Variants in SRGAP1 observed in about 807,000 individuals in gnomAD.
SRGAP1 encodes the protein SLIT-ROBO Rho GTPase-activating protein 1.
A neutral mutation model predicts 121.9 loss-of-function variants in SRGAP1; 43 were observed. That is an observed-to-expected ratio of 0.35 (90% CI 0.28 to 0.46). SRGAP1 has a LOEUF of 0.46. Among genes scored for constraint, SRGAP1 ranks in the 20% least tolerant of loss-of-function variants. SRGAP1 has a pLI of 1.00. For synonymous variants in SRGAP1, 447 were observed against 485.4 expected, an observed-to-expected ratio of 0.92 and a Z score of 1.04; for missense variants, 1,102 against 1,350.9, an observed-to-expected ratio of 0.82 and a Z score of 2.89.
At chr12:64,138,610 G>A (rs188139842) in intron 21 of SRGAP1, among the ~76,000 whole-genome samples, 3 of 151,070 alleles carry the variant, frequency 2.0e-5, no homozygotes, top group Non-Finnish European at 4.4e-5. Context: ...GTGCCACCAC[G>A]CCTGGCTATC....
At chr12:64,053,609 A>G (rs931969146) in intron 6 of SRGAP1, among the ~76,000 whole-genome samples, 5 of 152,244 alleles carry the variant, frequency 3.3e-5, no homozygotes, top group Admixed American at 6.5e-5. Context: ...AAGAATAAAT[A>G]TAAATTGTAA....
chr12:64,139,840 G>A (rs1390601118), intron 21 of SRGAP1, among the ~76,000 whole-genome samples: 2 of 152,164 alleles, frequency 1.3e-5, no homozygotes, highest in South Asian at 2.1e-4. Context: ...GAATAATAAT[G>A]CCTAGGTTTT....
Position 64,135,387 on chromosome 12 carries a change from G to A in SRGAP1, c.2881-6908G>A, listed in dbSNP as rs568790791. ...CTGTGGGAGATAAGACTCACACTCA[G>A]GGCAGTCTTAGCAGATTTGAGGTTC... On this transcript the variant is annotated intron_variant, in intron 21 of 21. Coordinates refer to ENST00000355086, the MANE Select transcript of SRGAP1 (RefSeq NM_020762.4). Among the ~76,000 whole-genome samples, 5 of 152,230 alleles carry A rather than the reference G, an allele frequency of 3.3e-5. No individual in the cohort carries two copies. The East Asian group carries it at 9.7e-4, about 29-fold the overall frequency.
At chr12:64,100,788 AT>A (rs1191260666) in intron 15 of SRGAP1, among the ~76,000 whole-genome samples, 1 of 151,982 alleles carries the variant, frequency 6.6e-6, no homozygotes, top group Non-Finnish European at 1.5e-5. Flanking sequence ...CTAAGCAAGC[AT>A]TTTTTTCTTA....
intron 1 of SRGAP1, among the ~76,000 whole-genome samples, chr12:63,900,014 T>C (rs923945202): frequency 3.0e-4 from 45 of 152,162 alleles, no homozygotes; most frequent in African/African-American, 1.1e-3. Context: ...TTAACAGGGT[T>C]TATTTTGGGG....
Position 63,905,129 on chromosome 12 carries a change from A to G in SRGAP1, c.67+60246A>G, listed in dbSNP as rs116949953. Among the ~76,000 whole-genome samples, 131 of 152,300 alleles carry G rather than the reference A, an allele frequency of 8.6e-4. 2 individuals carry two copies. In the East Asian group the frequency reaches 0.021, roughly 25 times the overall value. On this transcript the variant is annotated intron_variant, in intron 1 of 21. Coordinates refer to ENST00000355086, the MANE Select transcript of SRGAP1 (RefSeq NM_020762.4). ...AAATAGTTATAGTTCCTAATCAGAAATGTCCGAGGGCCTTTGCTTTGGGCC... is the reference window on the plus strand; with the variant it reads ...AAATAGTTATAGTTCCTAATCAGAAGTGTCCGAGGGCCTTTGCTTTGGGCC...
chr12:63,970,876 T>G lies in SRGAP1; in HGVS notation c.68-13071T>G, dbSNP rs180822568. The stretch of plus-strand genomic sequence containing the variant: ...CTAAATGTGCATAATTTACATTTGT[T>G]TTTAACTTGTTAACTAAGTTGAAGC... On this transcript the variant is annotated intron_variant, in intron 1 of 21. Coordinates refer to ENST00000355086, the MANE Select transcript of SRGAP1 (RefSeq NM_020762.4). 2.3e-3 allele frequency among the ~76,000 whole-genome samples: 345 copies of G among 152,370 alleles called. 2 individuals are homozygous for G. Among genetic ancestry groups the G allele is most frequent in the Admixed American group, 4.4e-3 (67 of 15,298 alleles).
chr12:63,890,291 C>G (rs772078676), intron 1 of SRGAP1, among the ~76,000 whole-genome samples: 3 of 152,108 alleles, frequency 2.0e-5, no homozygotes, highest in Non-Finnish European at 4.4e-5. Context: ...GGAGAGAGGC[C>G]AAAGGCAGGA....
At chr12:63,988,971 C>T (rs554092812) in intron 2 of SRGAP1, among the ~76,000 whole-genome samples, 9 of 152,168 alleles carry the variant, frequency 5.9e-5, no homozygotes, top group South Asian at 2.1e-4. Context: ...TCACCATGCC[C>T]GGCTGATTTT....
intron 1 of SRGAP1, among the ~76,000 whole-genome samples, chr12:63,879,816 TC>T (rs1426047245): frequency 6.6e-6 from 1 of 152,166 alleles, no homozygotes; most frequent in Non-Finnish European, 1.5e-5. Flanking sequence ...TTCAACAGCT[TC>T]CCTCCCCATA....
At chr12:63,857,491 C>G (rs1214652535) in intron 1 of SRGAP1, among the ~76,000 whole-genome samples, 1 of 152,104 alleles carries the variant, frequency 6.6e-6, no homozygotes, top group South Asian at 2.1e-4. Flanking sequence ...AAGCAATTCT[C>G]CTGCCTCAGC....
intron 4 of SRGAP1, among the ~76,000 whole-genome samples, chr12:64,017,553 G>A (rs576397225): frequency 1.5e-3 from 233 of 151,876 alleles, no homozygotes; most frequent in African/African-American, 5.4e-3. Flanking sequence ...TCTTTGGGAG[G>A]CTGAGGTAGG....
Position 64,152,311 on chromosome 12 carries a change from G to A in SRGAP1, c.*9639G>A, listed in dbSNP as rs2037127874. 1 of 152,180 alleles carries A rather than the reference G, an allele frequency of 6.6e-6. No individual in the cohort carries two copies. Among genetic ancestry groups the A allele is most frequent in the African/African-American group, 2.4e-5 (1 of 41,416 alleles). 9.4% of individuals were successfully genotyped at this position (152,180 alleles called of 1,614,324 possible). ...CACACAGCTAGATAGTGACAGAGCA[G>A]GATTTGATTCCACGCCATCTGGTGC... On this transcript the variant is annotated 3_prime_UTR_variant, in exon 22 of 22. Transcript: ENST00000355086.
intron 4 of SRGAP1, among the ~76,000 whole-genome samples, chr12:64,020,930 G>A (rs1448588733): frequency 2.2e-5 from 3 of 137,328 alleles, no homozygotes; most frequent in African/African-American, 8.1e-5. Context: ...CCAAATAGAT[G>A]TTTATATTCT....
chr12:64,071,896 G>A (rs1411336036), intron 8 of SRGAP1, among the ~76,000 whole-genome samples: 1 of 151,926 alleles, frequency 6.6e-6, no homozygotes, highest in African/African-American at 2.4e-5. Flanking sequence ...AAAAGTCGTG[G>A]GGCAGCAAAC....
At chr12:63,959,774 A>C (rs2032584897) in intron 1 of SRGAP1, among the ~76,000 whole-genome samples, 1 of 152,202 alleles carries the variant, frequency 6.6e-6, no homozygotes. Flanking sequence ...ATGCATTCTT[A>C]TCTCTCCTTT....
At chr12:64,083,859 C>T (rs1057325134) in intron 10 of SRGAP1, among the ~76,000 whole-genome samples, 1 of 152,182 alleles carries the variant, frequency 6.6e-6, no homozygotes, top group Admixed American at 6.5e-5. Flanking sequence ...TGCTTCTTGC[C>T]CTGGGCATAA....
At position 64,154,102 on chromosome 12, in the gene SRGAP1, T is replaced by C. The variant is rs2037145633; in HGVS notation, c.*11430T>C. 2 of 152,192 alleles carry C rather than the reference T, an allele frequency of 1.3e-5. No individual in the cohort carries two copies. The highest frequency in any genetic ancestry group is 2.9e-5 in the Non-Finnish European group (2 of 68,046). The allele number at this position is 152,192 out of a possible 1,614,324, so 9.4% of individuals were successfully genotyped here. A position where few individuals can be genotyped will look rare whatever the true frequency, so the allele number is the denominator to read the frequency against. ...GATATCTAAAGTAGTCAAACTCTTA[T>C]AAACAGAAAGCAGAATGGTGATTGC... On this transcript the variant is annotated 3_prime_UTR_variant, in exon 22 of 22. Transcript: ENST00000355086.
At chr12:63,989,880 G>A (rs2033507989) in intron 2 of SRGAP1, 30 bp from the exon 3 acceptor site, 1 of 1,571,042 alleles carries the variant, frequency 6.4e-7, no homozygotes, top group African/African-American at 1.4e-5. Context: ...TTTGAAATGG[G>A]TGGTAATTCT....
Sources: gnomAD v4.1 joint callset for allele counts (sites outside exome capture counted in the v4.1 genomes callset) on GRCh38, gnomAD v4.1.1 for gene constraint, MANE v1.5 for transcripts, NCBI Gene and HGNC (gene_info 2026-07-23, HGNC 2026-07-21) for gene names.